Variants in RBBP6 observed in about 807,000 individuals in gnomAD.
RBBP6 encodes the protein RB binding protein 6, ubiquitin ligase, also known as E3 ubiquitin-protein ligase RBBP6.
RBBP6 carries 25 observed loss-of-function variants against 167.7 expected under a neutral mutation model. That is an observed-to-expected ratio of 0.15 (90% CI 0.11 to 0.21). The LOEUF (loss-of-function observed/expected upper bound fraction) is 0.21. Ranked by LOEUF, RBBP6 falls within the 10% of genes least tolerant of loss-of-function variation. RBBP6 has a pLI of 1.00. For missense variants in RBBP6, 1,868 were observed against 2,134.2 expected, an observed-to-expected ratio of 0.88 and a Z score of 2.46; for synonymous variants, 789 against 735.8, an observed-to-expected ratio of 1.07 and a Z score of -1.17.
chr16:24,557,460 T>G (rs2065050761), intron 7 of RBBP6, among the ~76,000 whole-genome samples: 1 of 152,224 alleles, frequency 6.6e-6, no homozygotes, highest in Non-Finnish European at 1.5e-5. Context: ...TCTCACATAC[T>G]ATACAGCATA....
In RBBP6 at chr16:24,572,487, G is replaced by C. The variant is rs1378207541; in HGVS notation, c.*42G>C. The C allele has an allele frequency of 6.7e-7, 1 of 1,487,042 alleles. No homozygotes were observed. The allele number at this position is 1,487,042 out of a possible 1,614,324, so 92.1% of individuals were successfully genotyped here. Reference sequence around the variant, plus strand: ...AATTGACTTAATTACTAAGTCATCTGTATTAAATTTTGTTATAATGTAAAG... The same window carrying C: ...AATTGACTTAATTACTAAGTCATCTCTATTAAATTTTGTTATAATGTAAAG... On this transcript the variant is annotated 3_prime_UTR_variant, in exon 18 of 18. Coordinates refer to ENST00000319715, the MANE Select transcript of RBBP6 (RefSeq NM_006910.5).
intron 14 of RBBP6, among the ~76,000 whole-genome samples, 196 bp from the exon 15 acceptor site, chr16:24,566,947 C>G (rs1177604991): frequency 6.6e-6 from 1 of 151,968 alleles, no homozygotes; most frequent in Non-Finnish European, 1.5e-5. Context: ...TCATCTCAGT[C>G]GAGACATGGC....
At position 24,569,808 on chromosome 16, in the gene RBBP6, G is replaced by A. The variant is rs1387213072; in HGVS notation, c.3118G>A (p.Gly1040Arg). The A allele has an allele frequency of 6.2e-7, 1 of 1,612,082 alleles. No homozygotes were observed. The change falls in exon 17 of 18, where the codon GGA becomes AGA. Residue 1040 changes from glycine to arginine, a missense_variant. Physicochemically the swap from Gly to Arg is moderately radical, Grantham distance 125. Around this residue, in one of 7 missense-constraint regions of RBBP6, gnomAD observed 673 missense variants for 691.5 expected, o/e 0.97. Coordinates refer to ENST00000319715, the MANE Select transcript of RBBP6 (RefSeq NM_006910.5). ...AGAAAATATTGTAAAACCTGCTAAA[G>A]GACCCCAAGAAAAAGTAGATGGAGA... ...KKENIVKPAK[G>R]PQEKVDGERE...
At position 24,569,521 on chromosome 16, in the gene RBBP6, A is replaced by G; in HGVS notation, c.2831A>G (p.Glu944Gly). 1 of 1,610,760 alleles carries G rather than the reference A, an allele frequency of 6.2e-7. No individual in the cohort carries two copies. Among genetic ancestry groups the G allele is most frequent in the Non-Finnish European group, 8.5e-7 (1 of 1,179,234 alleles). Residue 944 changes from glutamate (E) to glycine (G), a missense_variant, in exon 17 of 18, where the codon GAA (glutamate) becomes GGA (glycine). This residue lies in a region of RBBP6 where 673 missense variants were observed against 691.5 expected (regional missense o/e 0.97). Coordinates refer to ENST00000319715, the MANE Select transcript of RBBP6 (RefSeq NM_006910.5). ...KKHRKRRKGE[E>G]SEGFLNPELL... ...CACAGAAAAAGAAGAAAAGGGGAGG[A>G]AAGTGAGGGTTTTCTGAACCCAGAG...
At position 24,572,063 on chromosome 16, in the gene RBBP6, A is replaced by G. The variant is rs1567282611; in HGVS notation, c.4997A>G (p.Lys1666Arg). ...ESSGNISKDL[K>R]DKIVEKAKES... ...TCAGGAAACATTTCTAAGGACCTGA[A>G]AGATAAAATAGTGGAGAAAGCAAAA... The change falls in exon 18 of 18, where the codon AAA becomes AGA. Residue 1666 changes from lysine (K) to arginine (R), a missense_variant. Physicochemically the swap from Lys to Arg is conservative, Grantham distance 26. This residue lies in a region of RBBP6 where 591 missense variants were observed against 540.5 expected (regional missense o/e 1.09). Transcript: ENST00000319715. The G allele has an allele frequency of 1.9e-6, 3 of 1,614,154 alleles. No individual in the cohort carries two copies. Among genetic ancestry groups the G allele is most frequent in the Non-Finnish European group, 2.5e-6 (3 of 1,180,028 alleles).
rs1899353899 is a variant in RBBP6 at position 24,572,091 on chromosome 16, G to A, written c.5025G>A (p.Glu1675=). The A allele has an allele frequency of 1.8e-5, 29 of 1,614,122 alleles. No individual in the cohort carries two copies. The highest frequency in any genetic ancestry group is 2.4e-5 in the Non-Finnish European group (28 of 1,180,028). The stretch of plus-strand genomic sequence containing the variant: ...ATAAAATAGTGGAGAAAGCAAAAGA[G>A]AGCCTGGACACAGCAGCAGTTGTCC... ...LKDKIVEKAK[E]SLDTAAVVQV... is the part of the protein sequence containing the mutation. The change falls in exon 18 of 18, where the codon GAG becomes GAA. Residue 1675 remains glutamate, a synonymous_variant. Coordinates refer to ENST00000319715, the MANE Select transcript of RBBP6 (RefSeq NM_006910.5).
At chr16:24,568,699 T>C (rs745500091) in intron 16 of RBBP6, 46 bp from the exon 17 acceptor site, 2 of 1,547,836 alleles carry the variant, frequency 1.3e-6, no homozygotes, top group Non-Finnish European at 1.7e-6. Flanking sequence ...TGTTTTATTT[T>C]GTATGTATTT....
chr16:24,551,208 A>G (rs890073605), intron 3 of RBBP6, among the ~76,000 whole-genome samples: 1 of 151,856 alleles, frequency 6.6e-6, no homozygotes, highest in African/African-American at 2.4e-5. Context: ...CTTGCTTCCC[A>G]AAACAAGACC....
chr16:24,556,240 A>C, intron 6 of RBBP6, 68 bp from the exon 7 acceptor site: 1 of 1,284,090 alleles, frequency 7.8e-7, no homozygotes, highest in Non-Finnish European at 1.1e-6. Flanking sequence ...GTATAACATT[A>C]GCTAATTTAT....
intron 14 of RBBP6, 31 bp downstream of exon 14, chr16:24,564,896 C>A (rs1433082458): frequency 6.3e-7 from 1 of 1,589,766 alleles, no homozygotes; most frequent in Admixed American, 1.7e-5. Context: ...GGAAAATAAT[C>A]ATCTTATTTT....
At chr16:24,558,368 G>A in intron 7 of RBBP6, 2 of 631,676 alleles carry the variant, frequency 3.2e-6, no homozygotes, top group Non-Finnish European at 3.9e-6. Flanking sequence ...TCTATCCTCT[G>A]TTCTCCTCTT....
intron 6 of RBBP6, 49 bp from the exon 7 acceptor site, chr16:24,556,253 AATAAAG>A: frequency 1.4e-6 from 2 of 1,403,222 alleles, no homozygotes; most frequent in Non-Finnish European, 2.0e-6. Flanking sequence ...TAATTTATTA[AATAAAG>A]ATAACTGCTT....
chr16:24,544,059 A>C (rs970577395), intron 1 of RBBP6, among the ~76,000 whole-genome samples: 1 of 152,224 alleles, frequency 6.6e-6, no homozygotes, highest in African/African-American at 2.4e-5. Context: ...GTATTTAAAA[A>C]GTCAGTTAGA....
At chr16:24,542,180 G>C (rs1898517051) in intron 1 of RBBP6, among the ~76,000 whole-genome samples, 1 of 152,176 alleles carries the variant, frequency 6.6e-6, no homozygotes, top group South Asian at 2.1e-4. Context: ...TGGTGGTCAT[G>C]AACAGTTGAG....
At chr16:24,568,677 T>C in intron 16 of RBBP6, 68 bp from the exon 17 acceptor site, 1 of 1,510,540 alleles carries the variant, frequency 6.6e-7, no homozygotes. Flanking sequence ...AATGCTAGAA[T>C]CTGAGAGTCT....
chr16:24,571,664 A>G lies in RBBP6; in HGVS notation c.4598A>G (p.Asn1533Ser). ...KKGTGDSKKS[N>S]SSPSRDRKPH... is the part of the protein sequence containing the mutation. ...GGAACAGGAGATTCCAAAAAAAGTA[A>G]TTCTAGTCCCTCAAGAGACAGAAAA... Residue 1533 changes from asparagine (N) to serine (S), a missense_variant, in exon 18 of 18, where the codon AAT (asparagine) becomes AGT (serine). This residue lies in a region of RBBP6 where 591 missense variants were observed against 540.5 expected (regional missense o/e 1.09). Coordinates refer to ENST00000319715, the MANE Select transcript of RBBP6 (RefSeq NM_006910.5). The G allele has an allele frequency of 6.2e-7, 1 of 1,613,856 alleles. No homozygotes were observed. Among genetic ancestry groups the G allele is most frequent in the Non-Finnish European group, 8.5e-7 (1 of 1,179,950 alleles).
rs141709663 is a variant in RBBP6 at position 24,540,662 on chromosome 16, C to G, written c.36C>G (p.Leu12=). The G allele has an allele frequency of 1.9e-6, 3 of 1,613,974 alleles. No homozygotes were observed. Among genetic ancestry groups the G allele is most frequent in the East Asian group, 4.5e-5 (2 of 44,890 alleles). Reference sequence around the variant, plus strand: ...TGCATTATAAATTTTCCTCTAAACTCAACTATGATACCGTCACCTTTGATG... The same window carrying G: ...TGCATTATAAATTTTCCTCTAAACTGAACTATGATACCGTCACCTTTGATG... ...SCVHYKFSSK[L]NYDTVTFDGL... is the part of the protein sequence containing the mutation. Residue 12 remains leucine (L), a synonymous_variant, in exon 1 of 18, where the codon CTC becomes CTG. Transcript: ENST00000319715.
rs548006498 is a variant in RBBP6 at position 24,570,194 on chromosome 16, G to A, written c.3504G>A (p.Ser1168=). 2.6e-5 allele frequency: 42 copies of A among 1,601,522 alleles called. No individual in the cohort carries two copies. The highest frequency in any genetic ancestry group is 6.7e-5 in the East Asian group (3 of 44,836). The change falls in exon 17 of 18, where the codon TCG becomes TCA. Residue 1168 remains serine (S), a synonymous_variant. Coordinates refer to ENST00000319715, the MANE Select transcript of RBBP6 (RefSeq NM_006910.5). The part of the protein sequence containing the change: ...KDFESSSMKI[S]KLEVTEIVKP... The stretch of plus-strand genomic sequence containing the variant: ...TTGAGTCTTCTTCAATGAAAATCTC[G>A]AAACTAGAAGTGACTGAAATAGTGA...
rs544109591 is a variant in RBBP6, at chr16:24,558,697, G to A, written c.675-808G>A. On this transcript the variant is annotated intron_variant, in intron 7 of 17. Transcript: ENST00000319715. ...GTGTAGAAGCAGTGGTGACAAGTCT[G>A]AGAATAGCTATTTTTATTTTTTAAT... Among the ~76,000 whole-genome samples, 17 of 152,234 alleles carry A rather than the reference G, an allele frequency of 1.1e-4. No individual in the cohort carries two copies. In the South Asian group the frequency reaches 3.1e-3, roughly 28 times the overall value.
Sources: gnomAD v4.1 joint callset for allele counts (sites outside exome capture counted in the v4.1 genomes callset) on GRCh38, gnomAD v4.1.1 for gene constraint, gnomAD v4.1.1 regional missense constraint, MANE v1.5 for transcripts, NCBI Gene and HGNC (gene_info 2026-07-23, HGNC 2026-07-21) for gene names.